NSUN6: variants seen among roughly 807,000 people sequenced by gnomAD.
The protein encoded by NSUN6 is tRNA (cytosine(72)-C(5))-methyltransferase NSUN6.
Under a neutral mutation model 58.0 loss-of-function variants are expected in NSUN6, and 64 were observed. The ratio of observed to expected loss-of-function variants is 1.10; its 90% confidence interval spans 0.90 to 1.36. The LOEUF (loss-of-function observed/expected upper bound fraction) is 1.36. NSUN6 is among the 40% of genes most tolerant of loss of function. The pLI is 0.00. For missense variants in NSUN6, 701 were observed against 550.1 expected, an observed-to-expected ratio of 1.27 and a Z score of -2.74; for synonymous variants, 231 against 193.9, an observed-to-expected ratio of 1.19 and a Z score of -1.59.
At chr10:18,613,295 C>T (rs1174958065) in intron 5 of NSUN6, among the ~76,000 whole-genome samples, 1 of 152,078 alleles carries the variant, frequency 6.6e-6, no homozygotes, top group African/African-American at 2.4e-5. Flanking sequence ...TGGGCTTTCA[C>T]CGTGTTGGCC....
rs757898988 is a variant in NSUN6 at position 18,546,104 on chromosome 10, G to A, written c.1239C>T (p.Leu413=). Residue 413 remains leucine, a synonymous_variant, in exon 11 of 11, where the codon CTC becomes CTT. Transcript: ENST00000377304. ...GCAGCTGTTTCAACTGTTCACATGAGAGCCCAGCTCCCCTCATTCCTTCTC... is the reference window on the plus strand; with the variant it reads ...GCAGCTGTTTCAACTGTTCACATGAAAGCCCAGCTCCCCTCATTCCTTCTC... ...IGGEGMRGAG[L]SCEQLKQLQR... is the part of the protein sequence containing the mutation. 23 of 1,613,168 alleles carry A rather than the reference G, an allele frequency of 1.4e-5. No homozygotes were observed. Among genetic ancestry groups the A allele is most frequent in the Non-Finnish European group, 1.8e-5 (21 of 1,179,680 alleles).
chr10:18,610,244 AG>A (rs1315555943), intron 5 of NSUN6, among the ~76,000 whole-genome samples: 2 of 152,096 alleles, frequency 1.3e-5, no homozygotes, highest in Non-Finnish European at 2.9e-5. Context: ...GCTCCTCAGG[AG>A]GCTGAGACAG....
At chr10:18,657,761 G>A (rs2059793270), upstream of NSUN6, among the ~76,000 whole-genome samples, 1 of 151,862 alleles carries the variant, frequency 6.6e-6, no homozygotes, top group Non-Finnish European at 1.5e-5. Flanking sequence ...TTACAGGCGC[G>A]TGCCACCACA....
intron 8 of NSUN6, among the ~76,000 whole-genome samples, chr10:18,557,194 T>C (rs1024143345): frequency 6.8e-6 from 1 of 146,502 alleles, no homozygotes; most frequent in African/African-American, 2.5e-5. Flanking sequence ...GTGTGGAGGA[T>C]GGAATGCGTA....
At chr10:18,578,212 G>A (rs2056748544) in intron 8 of NSUN6, among the ~76,000 whole-genome samples, 2 of 149,694 alleles carry the variant, frequency 1.3e-5, no homozygotes, top group Admixed American at 1.3e-4. Context: ...CAGCTCCATG[G>A]AGCCTCTTCT....
intron 8 of NSUN6, among the ~76,000 whole-genome samples, chr10:18,553,016 T>A (rs2054708822): frequency 6.7e-6 from 1 of 150,094 alleles, no homozygotes; most frequent in African/African-American, 2.4e-5. Context: ...TCTAATCTAT[T>A]CTCCATTTCA....
At chr10:18,578,827 T>C (rs1460670551) in intron 8 of NSUN6, among the ~76,000 whole-genome samples, 1 of 152,132 alleles carries the variant, frequency 6.6e-6, no homozygotes, top group Non-Finnish European at 1.5e-5. Context: ...TCTTGTACCA[T>C]GACGAAGAAA....
chr10:18,547,319 G>C (rs888783816), intron 10 of NSUN6, among the ~76,000 whole-genome samples: 2 of 152,092 alleles, frequency 1.3e-5, no homozygotes, highest in Non-Finnish European at 2.9e-5. Flanking sequence ...ATCCCTTTTA[G>C]GTATATATTT....
intron 8 of NSUN6, among the ~76,000 whole-genome samples, chr10:18,556,444 A>T (rs1234971318): frequency 6.6e-5 from 10 of 150,884 alleles, no homozygotes. Context: ...ATGGAATGGA[A>T]TGCAGAATGG....
At chr10:18,546,181 C>T (rs2054248326) in intron 10 of NSUN6, 36 bp from the exon 11 acceptor site, 1 of 1,373,938 alleles carries the variant, frequency 7.3e-7, no homozygotes, top group South Asian at 1.2e-5. Context: ...GGATGAACAT[C>T]CTGTAATTAG....
In NSUN6 at chr10:18,651,290, G is replaced by A. The variant is rs1314755414; in HGVS notation, c.-87C>T. On this transcript the variant is annotated 5_prime_UTR_variant, in exon 1 of 11. Transcript: ENST00000377304. ...TTTCTTTCCGAATTAATAGTGACGAGTGTCTTGACACCAGATGCTGAGGAA... is the reference window on the plus strand; with the variant it reads ...TTTCTTTCCGAATTAATAGTGACGAATGTCTTGACACCAGATGCTGAGGAA... 5 of 1,460,666 alleles carry A rather than the reference G, an allele frequency of 3.4e-6. No homozygotes were observed. The Admixed American group carries it at 1.1e-4, about 33-fold the overall frequency. The allele number at this position is 1,460,666 out of a possible 1,614,324, so 90.5% of individuals were successfully genotyped here. A position where few individuals can be genotyped will look rare whatever the true frequency, so the allele number is the denominator to read the frequency against.
Position 18,642,000 on chromosome 10 carries a change from G to A in NSUN6, c.311+476C>T, listed in dbSNP as rs757681548. Reference sequence around the variant, plus strand: ...TATAATTGCCTGAGTCCAGAAGTTCGAGCCTGCAATGAGCTATGCTTGTGT... The same window carrying A: ...TATAATTGCCTGAGTCCAGAAGTTCAAGCCTGCAATGAGCTATGCTTGTGT... On this transcript the variant is annotated intron_variant, in intron 3 of 10. Coordinates refer to ENST00000377304, the MANE Select transcript of NSUN6 (RefSeq NM_182543.5). Among the ~76,000 whole-genome samples, 6 of 152,134 alleles carry A rather than the reference G, an allele frequency of 3.9e-5. No homozygotes were observed. In the East Asian group the frequency reaches 7.7e-4, roughly 20 times the overall value.
In NSUN6 at chr10:18,562,223, G is replaced by A. The variant is rs1256244418; in HGVS notation, c.923-10252C>T. 3.3e-5 allele frequency among the ~76,000 whole-genome samples: 5 copies of A among 150,072 alleles called. No individual in the cohort carries two copies. The Admixed American group carries it at 3.3e-4, about 10-fold the overall frequency. ...AATGGAGAATAGAATGCAATAGAAT[G>A]GAATGGAATGGAGAATGGAATGGAT... On this transcript the variant is annotated intron_variant, in intron 8 of 10. Transcript: ENST00000377304.
At chr10:18,621,810 G>A (rs1190167177) in intron 3 of NSUN6, among the ~76,000 whole-genome samples, 1 of 152,034 alleles carries the variant, frequency 6.6e-6, no homozygotes, top group East Asian at 1.9e-4. Flanking sequence ...TTATCTATTT[G>A]GTATTTTAAC....
chr10:18,557,983 G>A (rs1002824399), intron 8 of NSUN6, among the ~76,000 whole-genome samples: 1 of 150,994 alleles, frequency 6.6e-6, no homozygotes, highest in Non-Finnish European at 1.5e-5. Flanking sequence ...ATGAAGAATA[G>A]AATGCAACTG....
Position 18,585,956 on chromosome 10 carries a change from GTCC to G in NSUN6, c.912_914del (p.Glu304del). ...AAAATCAAAATAGCTCACCTTCTGT[GTCC>G]TCCACCATATCAAGTTTAACCGCCT... is the stretch of plus-strand genomic sequence containing the variant. On this transcript the variant is annotated inframe_deletion, in exon 8 of 11. Transcript: ENST00000377304. 6.2e-7 allele frequency: 1 copy of G among 1,601,190 alleles called. No homozygotes were observed. Among genetic ancestry groups the G allele is most frequent in the Non-Finnish European group, 8.5e-7 (1 of 1,176,232 alleles).
chr10:18,625,253 G>A (rs1238857556), intron 3 of NSUN6, among the ~76,000 whole-genome samples: 2 of 152,150 alleles, frequency 1.3e-5, no homozygotes, highest in South Asian at 2.1e-4. Context: ...AAACCTGAGG[G>A]CTGTCTTGGG....
intron 3 of NSUN6, among the ~76,000 whole-genome samples, chr10:18,626,815 A>T (rs2058826480): frequency 6.6e-6 from 1 of 152,234 alleles, no homozygotes; most frequent in Admixed American, 6.5e-5. Context: ...GAAAGAGAAG[A>T]CAAATCCAGT....
intron 3 of NSUN6, among the ~76,000 whole-genome samples, chr10:18,640,464 AAAGTTTG>A (rs1324420862): frequency 6.6e-6 from 1 of 152,264 alleles, no homozygotes; most frequent in African/African-American, 2.4e-5. Context: ...AGAAATGGCC[AAAGTTTG>A]AACCTAAATA....
Sources: allele counts gnomAD v4.1 joint callset (sites outside exome capture counted in the v4.1 genomes callset), GRCh38; gene constraint gnomAD v4.1.1; transcripts MANE v1.5; gene names NCBI Gene and HGNC (gene_info 2026-07-23, HGNC 2026-07-21).